The following RPS6KA2 variants were observed in gnomAD, a reference collection of about 807,000 sequenced individuals.
The protein encoded by RPS6KA2 is ribosomal protein S6 kinase A2, also known as ribosomal protein S6 kinase alpha-2.
RPS6KA2 carries 42 observed loss-of-function variants against 91.8 expected under a neutral mutation model. That is an observed-to-expected ratio of 0.46 (90% confidence interval 0.36 to 0.59). The LOEUF is 0.59. Ranked by LOEUF, RPS6KA2 falls within the 20% of genes least tolerant of loss-of-function variation. RPS6KA2 has a pLI of 0.00. For synonymous variants in RPS6KA2, 414 were observed against 393.6 expected (o/e 1.05, Z -0.61); for missense variants, 798 against 978.5 (o/e 0.82, Z 2.46).
intron 2 of RPS6KA2, among the ~76,000 whole-genome samples, chr6:166,741,143 A>G (rs1790800232): frequency 6.6e-6 from 1 of 152,270 alleles, no homozygotes; most frequent in South Asian, 2.1e-4. Flanking sequence ...CATGTACAGT[A>G]TAATTCCATT....
At chr6:166,799,133 G>A (rs764817217) in intron 2 of RPS6KA2, among the ~76,000 whole-genome samples, 6 of 152,178 alleles carry the variant, frequency 3.9e-5, no homozygotes, top group Non-Finnish European at 8.8e-5. Context: ...TCCCATTTAT[G>A]TGAACAAGTT....
In RPS6KA2 at chr6:166,821,789, G is replaced by A. The variant is rs1034391807; in HGVS notation, c.123+36411C>T. On this transcript the variant is annotated intron_variant, in intron 2 of 21. Coordinates refer to the RPS6KA2 transcript ENST00000503859. This position sits in a 1 kb window ranked among gnomAD's most constrained non-coding sequence, Gnocchi z 4.1. ...CTTCTGTGACCTCCCTCCTAAGGCC[G>A]CCTACTTGCCCTCTCCACCTGTCTA... Among the ~76,000 whole-genome samples, 3 of 152,096 alleles carry A rather than the reference G, an allele frequency of 2.0e-5. No homozygotes were observed. The highest frequency in any genetic ancestry group is 1.9e-4 in the East Asian group (1 of 5,190).
chr6:166,542,320 T>C (rs1378798671), intron 1 of RPS6KA2: 1 of 152,266 alleles, frequency 6.6e-6, no homozygotes, highest in African/African-American at 2.4e-5. Flanking sequence ...TTCTGTTTTA[T>C]GAAGCAGGTA....
rs888042041 is a variant in RPS6KA2 at position 166,563,400 on chromosome 6, C to T, written c.100-24616G>A. On this transcript the variant is annotated intron_variant, in intron 1 of 20. Coordinates refer to ENST00000265678, the MANE Select transcript of RPS6KA2 (RefSeq NM_021135.6). The surrounding 1 kb of genome is among the most constrained non-coding windows in gnomAD (Gnocchi z 4.1). ...CCCAGTCTCCTGGGCTCGCCGCCAG[C>T]GGTGGGATCCCTCTTCCTGCACAGA... Among the ~76,000 whole-genome samples the T allele has an allele frequency of 5.3e-5, 8 of 152,314 alleles. No individual in the cohort carries two copies. The highest frequency in any genetic ancestry group is 2.1e-4 in the South Asian group (1 of 4,818).
chr6:166,471,973 C>T (rs1173623888), intron 10 of RPS6KA2, among the ~76,000 whole-genome samples: 3 of 152,224 alleles, frequency 2.0e-5, no homozygotes, highest in African/African-American at 7.2e-5. Context: ...ATGAAATTTC[C>T]AGAGCGACAG....
At chr6:166,676,178 G>A (rs1157609809) in intron 2 of RPS6KA2, among the ~76,000 whole-genome samples, 3 of 152,090 alleles carry the variant, frequency 2.0e-5, no homozygotes, top group Admixed American at 6.5e-5. Flanking sequence ...TTAGCTGGCC[G>A]TGGTGGCATA....
chr6:166,416,757 G>A (rs1296362659), intron 19 of RPS6KA2, among the ~76,000 whole-genome samples: 2 of 148,710 alleles, frequency 1.3e-5, no homozygotes, highest in Non-Finnish European at 3.0e-5. Flanking sequence ...CATCACTCCT[G>A]CCATTATCTC....
At chr6:166,701,967 C>T in intron 2 of RPS6KA2, 1 of 1,042,846 alleles carries the variant, frequency 9.6e-7, no homozygotes. Context: ...AGACGGCCAA[C>T]AAAGTTATTT....
At chr6:166,776,641 G>T (rs1188036342) in intron 2 of RPS6KA2, among the ~76,000 whole-genome samples, 3 of 152,172 alleles carry the variant, frequency 2.0e-5, no homozygotes, top group Non-Finnish European at 4.4e-5. Flanking sequence ...TGGGCATTTG[G>T]TATAGACAGA....
chr6:166,606,295 A>G (rs1340600087), intron 1 of RPS6KA2, among the ~76,000 whole-genome samples: 1 of 152,258 alleles, frequency 6.6e-6, no homozygotes, highest in East Asian at 1.9e-4. Flanking sequence ...CCTGTGCACC[A>G]TGAGAGACCC....
chr6:166,745,789 G>GC (rs1314311037), intron 2 of RPS6KA2, among the ~76,000 whole-genome samples: 2 of 152,182 alleles, frequency 1.3e-5, no homozygotes, highest in African/African-American at 4.8e-5. Context: ...AGACTCTCAG[G>GC]CCTGCCACAA....
Position 166,784,389 on chromosome 6 carries a change from T to G in RPS6KA2, c.123+73811A>C, listed in dbSNP as rs374143509. On this transcript the variant is annotated intron_variant, in intron 2 of 21. Transcript: ENST00000503859. ...ATATGCACACGTGCACACCTATGCATAACCACATATGCACACGTGCACACC... is the reference window on the plus strand; with the variant it reads ...ATATGCACACGTGCACACCTATGCAGAACCACATATGCACACGTGCACACC... 3.0e-4 allele frequency among the ~76,000 whole-genome samples: 12 copies of G among 40,668 alleles called. 3 individuals carry two copies. Among genetic ancestry groups the G allele is most frequent in the African/African-American group, 1.1e-3 (12 of 10,638 alleles). 26.7% of individuals were successfully genotyped at this position (40,668 alleles called of 152,430 possible).
chr6:166,456,944 T>A (rs1780123699), intron 12 of RPS6KA2, among the ~76,000 whole-genome samples: 1 of 152,224 alleles, frequency 6.6e-6, no homozygotes, highest in Non-Finnish European at 1.5e-5. Flanking sequence ...TACAATGGAA[T>A]TCTCTAGAAG....
At chr6:166,740,602 A>G (rs1790786067) in intron 2 of RPS6KA2, among the ~76,000 whole-genome samples, 1 of 152,254 alleles carries the variant, frequency 6.6e-6, no homozygotes. Context: ...TGAAAGTTAA[A>G]AACTTTCTTC....
chr6:166,429,490 G>A (rs535141644), intron 16 of RPS6KA2, among the ~76,000 whole-genome samples: 12 of 151,986 alleles, frequency 7.9e-5, no homozygotes, highest in Admixed American at 3.3e-4. Context: ...TTGCTCTGTC[G>A]CCCACGCTGA....
chr6:166,824,715 CTGTG>C (rs138945096), intron 2 of RPS6KA2, among the ~76,000 whole-genome samples: 26,071 of 122,698 alleles, frequency 0.21, 2,983 homozygotes, highest in East Asian at 0.67. Context: ...GTGTGTGTGT[CTGTG>C]TGTATGTCTG....
At chr6:166,703,478 C>T (rs1300674396) in intron 2 of RPS6KA2, among the ~76,000 whole-genome samples, 3 of 152,224 alleles carry the variant, frequency 2.0e-5, no homozygotes, top group South Asian at 2.1e-4. Flanking sequence ...ATGATTTTCT[C>T]AGGTTGCCAC....
intron 2 of RPS6KA2, among the ~76,000 whole-genome samples, chr6:166,663,793 C>T (rs947159598): frequency 2.6e-5 from 4 of 152,118 alleles, no homozygotes; most frequent in African/African-American, 7.2e-5. Context: ...ACACAGGCTT[C>T]GGCGCTGCAC....
At chr6:166,611,241 T>C (rs1224539451) in intron 1 of RPS6KA2, among the ~76,000 whole-genome samples, 1 of 152,264 alleles carries the variant, frequency 6.6e-6, no homozygotes, top group African/African-American at 2.4e-5. Flanking sequence ...TATAGCCATT[T>C]AGCATAATTT....
Sources: gnomAD v4.1 joint callset for allele counts (sites outside exome capture counted in the v4.1 genomes callset) on GRCh38, gnomAD v4.1.1 for gene constraint, Gnocchi (gnomAD v3.1) non-coding constraint, MANE v1.5 for transcripts, NCBI Gene and HGNC (gene_info 2026-07-23, HGNC 2026-07-21) for gene names.